GABRB3: variants seen among roughly 807,000 people sequenced by gnomAD.
GABRB3 encodes gamma-aminobutyric acid type A receptor subunit beta3.
Under a neutral mutation model 52.1 loss-of-function variants are expected in GABRB3, and 14 were observed. The observed-to-expected ratio is 0.27, with a 90% CI of 0.18 to 0.42. The LOEUF (loss-of-function observed/expected upper bound fraction) is 0.42, where lower values mean the gene tolerates loss of function less well. GABRB3 is among the 10% of genes least tolerant of loss of function. The pLI is 1.00. For missense variants in GABRB3, 307 were observed against 609.1 expected (o/e 0.50, Z 5.22); for synonymous variants, 260 against 232.3 (o/e 1.12, Z -1.08).
chr15:26,694,967 T>A (rs1322206512), intron 3 of GABRB3, among the ~76,000 whole-genome samples: 1 of 151,988 alleles, frequency 6.6e-6, no homozygotes, highest in African/African-American at 2.4e-5. Flanking sequence ...GGGGAAAGAA[T>A]CAGCGAGCTC....
At chr15:26,738,151 C>T (rs911339310) in intron 3 of GABRB3, among the ~76,000 whole-genome samples, 1 of 152,082 alleles carries the variant, frequency 6.6e-6, no homozygotes, top group Non-Finnish European at 1.5e-5. Flanking sequence ...GGTGTGACCT[C>T]GGCTCACTGC....
chr15:26,752,640 A>G (rs1219183821), intron 3 of GABRB3, among the ~76,000 whole-genome samples: 2 of 152,172 alleles, frequency 1.3e-5, no homozygotes, highest in Non-Finnish European at 2.9e-5. Flanking sequence ...GATGTACCAC[A>G]TCAGGCCTTG....
intron 4 of GABRB3, among the ~76,000 whole-genome samples, chr15:26,585,618 A>AT (rs1245396244): frequency 2.0e-5 from 3 of 152,204 alleles, no homozygotes; most frequent in Admixed American, 1.3e-4. Context: ...TCAATGCTTA[A>AT]TTTTTTATGC....
At chr15:26,631,114 G>A (rs182536306) in intron 3 of GABRB3, among the ~76,000 whole-genome samples, 8 of 152,252 alleles carry the variant, frequency 5.3e-5, no homozygotes, top group African/African-American at 1.9e-4. Flanking sequence ...CCTGAGTGCC[G>A]GGAGCAGGCA....
intron 7 of GABRB3, among the ~76,000 whole-genome samples, chr15:26,563,203 C>T (rs1346586658): frequency 6.6e-6 from 1 of 152,294 alleles, no homozygotes; most frequent in African/African-American, 2.4e-5. Context: ...ATGTCCCAGA[C>T]AATGGGCTGA....
At chr15:26,704,886 CTCT>C (rs1401950118) in intron 3 of GABRB3, among the ~76,000 whole-genome samples, 26 of 152,306 alleles carry the variant, frequency 1.7e-4, no homozygotes, top group South Asian at 1.0e-3. Context: ...TTCACCTCTC[CTCT>C]TCTTCTGAGC....
At chr15:26,770,055 C>T (rs1022413703) in intron 3 of GABRB3, among the ~76,000 whole-genome samples, 5 of 152,138 alleles carry the variant, frequency 3.3e-5, no homozygotes, top group Non-Finnish European at 5.9e-5. Context: ...AACGTGAGTC[C>T]CTAAATATTT....
chr15:26,638,495 T>C (rs924902651), intron 3 of GABRB3, among the ~76,000 whole-genome samples: 4 of 152,236 alleles, frequency 2.6e-5, no homozygotes, highest in African/African-American at 9.6e-5. Flanking sequence ...ACAAAAACCA[T>C]AGCTGATGAC....
intron 3 of GABRB3, among the ~76,000 whole-genome samples, chr15:26,673,606 T>C (rs1346150): frequency 0.49 from 74,548 of 151,694 alleles, 20,990 homozygotes; most frequent in Admixed American, 0.63. Context: ...CTATCCAGCA[T>C]GGCTGTGAAA....
intron 4 of GABRB3, among the ~76,000 whole-genome samples, chr15:26,586,397 AACACAC>A (rs56386894): frequency 1.4e-5 from 2 of 138,014 alleles, no homozygotes; most frequent in African/African-American, 2.7e-5. Flanking sequence ...AACCACCCCT[AACACAC>A]ACACACACAC....
intron 4 of GABRB3, among the ~76,000 whole-genome samples, chr15:26,611,456 T>G (rs1892068219): frequency 6.6e-6 from 1 of 152,188 alleles, no homozygotes; most frequent in Admixed American, 6.5e-5. Context: ...AGAACTGCAG[T>G]GAATAATTTT....
chr15:26,643,769 G>T (rs890570871), intron 3 of GABRB3, among the ~76,000 whole-genome samples: 2 of 152,008 alleles, frequency 1.3e-5, no homozygotes, highest in Non-Finnish European at 2.9e-5. Context: ...AAACACTACT[G>T]GTGACCCACC....
At chr15:26,655,636 G>T (rs1363448463) in intron 3 of GABRB3, among the ~76,000 whole-genome samples, 1 of 152,166 alleles carries the variant, frequency 6.6e-6, no homozygotes, top group East Asian at 1.9e-4. Context: ...AGGCTACTCG[G>T]GAGGCTGAGG....
intron 3 of GABRB3, among the ~76,000 whole-genome samples, chr15:26,673,602 A>G (rs1487982335): frequency 2.6e-5 from 4 of 152,236 alleles, no homozygotes; most frequent in African/African-American, 9.6e-5. Flanking sequence ...GACCCTATCC[A>G]GCATGGCTGT....
intron 6 of GABRB3, among the ~76,000 whole-genome samples, chr15:26,574,696 C>T (rs1252172795): frequency 1.3e-5 from 2 of 152,038 alleles, no homozygotes; most frequent in Non-Finnish European, 2.9e-5. Flanking sequence ...GAGACAAATC[C>T]ATAGAAGGAG....
intron 3 of GABRB3, among the ~76,000 whole-genome samples, chr15:26,738,530 C>T (rs756167725): frequency 6.6e-6 from 1 of 152,160 alleles, no homozygotes; most frequent in Non-Finnish European, 1.5e-5. Flanking sequence ...ATAAACAATA[C>T]AATACATTGG....
chr15:26,754,124 A>T (rs1322679129), intron 3 of GABRB3, among the ~76,000 whole-genome samples: 1 of 152,198 alleles, frequency 6.6e-6, no homozygotes, highest in African/African-American at 2.4e-5. Flanking sequence ...AAGGAGATAG[A>T]GGGACTTGAA....
intron 8 of GABRB3, among the ~76,000 whole-genome samples, chr15:26,557,135 G>A (rs1595437014): frequency 6.6e-6 from 1 of 152,174 alleles, no homozygotes; most frequent in East Asian, 1.9e-4. Flanking sequence ...CAACATGGAT[G>A]GAGCTGGAGG....
intron 8 of GABRB3, 53 bp from the exon 9 acceptor site, chr15:26,548,187 A>G: frequency 1.4e-6 from 2 of 1,396,118 alleles, no homozygotes; most frequent in Non-Finnish European, 2.0e-6. Context: ...TAATTTCCCT[A>G]TGCAGATCCC....
Sources: gnomAD v4.1 joint callset for allele counts (sites outside exome capture counted in the v4.1 genomes callset) on GRCh38, gnomAD v4.1.1 for gene constraint, MANE v1.5 for transcripts, NCBI Gene and HGNC (gene_info 2026-07-23, HGNC 2026-07-21) for gene names.